ABCA6: variants seen among roughly 807,000 people sequenced by gnomAD.
The protein encoded by ABCA6 is ATP-binding cassette sub-family A member 6.
A neutral mutation model predicts 191.2 loss-of-function variants in ABCA6; 164 were observed. The ratio of observed to expected loss-of-function variants is 0.86; its 90% CI spans 0.76 to 0.98. The LOEUF (loss-of-function observed/expected upper bound fraction) is 0.98, where lower values mean the gene tolerates loss of function less well. ABCA6 is among the 50% of genes least tolerant of loss of function. ABCA6 has a pLI of 0.00. For synonymous variants in ABCA6, 636 were observed against 647.7 expected (o/e 0.98, Z 0.27); for missense variants, 1,958 against 1,894.1 (o/e 1.03, Z -0.63).
intron 29 of ABCA6, 73 bp downstream of exon 29, chr17:69,087,280 A>C: frequency 6.4e-7 from 1 of 1,563,772 alleles, no homozygotes; most frequent in Non-Finnish European, 8.7e-7. Flanking sequence ...AATGAAACCC[A>C]GTGTATCAAA....
At chr17:69,086,764 C>A (rs2072804609) in intron 29 of ABCA6, 29 bp from the exon 30 acceptor site, 2 of 1,521,524 alleles carry the variant, frequency 1.3e-6, no homozygotes, top group Admixed American at 1.7e-5. Context: ...TGATTTTCCT[C>A]TTAAATTTCA....
intron 16 of ABCA6, 117 bp downstream of exon 16, chr17:69,112,066 G>A: frequency 6.8e-6 from 5 of 734,812 alleles, no homozygotes; most frequent in Non-Finnish European, 1.2e-5. Context: ...AGGAAACACT[G>A]ATCAATCCAG....
In ABCA6 at chr17:69,124,856, TAGAGGACAGAGAA is replaced by T. The variant is rs775861780; in HGVS notation, c.1267+19_1267+31del. ...ATATATTCAATGTAATTAATAACTGTAGAGGACAGAGAAAAACTCACTATTACTTACAGGGTAA... is the reference window on the plus strand; with the variant it reads ...ATATATTCAATGTAATTAATAACTGTAAACTCACTATTACTTACAGGGTAA... On this transcript the variant is annotated intron_variant, in intron 9 of 38. Coordinates refer to ENST00000284425, the MANE Select transcript of ABCA6 (RefSeq NM_080284.3). 7.4e-7 allele frequency: 1 copy of T among 1,356,424 alleles called. No homozygotes were observed. Among genetic ancestry groups the T allele is most frequent in the South Asian group, 1.5e-5 (1 of 68,378 alleles). 84.0% of individuals were successfully genotyped at this position (1,356,424 alleles called of 1,614,324 possible).
At chr17:69,116,620 C>T (rs373336346) in intron 11 of ABCA6, among the ~76,000 whole-genome samples, 2 of 152,186 alleles carry the variant, frequency 1.3e-5, no homozygotes, top group East Asian at 3.9e-4. Flanking sequence ...CAAATTGAAT[C>T]TCATACATTG....
At position 69,096,805 on chromosome 17, in the gene ABCA6, AT is replaced by A; in HGVS notation, c.3121-5del. ...ATAGCTGGGACTTAGCATTTTTCTGATTAAAAAAAAAAAGAAAGAAAGAAAT... is the reference window on the plus strand; with the variant it reads ...ATAGCTGGGACTTAGCATTTTTCTGATAAAAAAAAAAAGAAAGAAAGAAAT... On this transcript the variant is annotated splice_polypyrimidine_tract_variant and splice_region_variant and intron_variant, in intron 23 of 38. Coordinates refer to ENST00000284425, the MANE Select transcript of ABCA6 (RefSeq NM_080284.3). 3.3e-6 allele frequency: 5 copies of A among 1,517,476 alleles called. No homozygotes were observed. Among genetic ancestry groups the A allele is most frequent in the Non-Finnish European group, 4.4e-6 (5 of 1,143,164 alleles). 94.0% of individuals were successfully genotyped at this position (1,517,476 alleles called of 1,614,324 possible).
intron 36 of ABCA6, among the ~76,000 whole-genome samples, chr17:69,081,500 T>G (rs1200880890): frequency 2.0e-5 from 3 of 152,312 alleles, no homozygotes; most frequent in African/African-American, 7.2e-5. Context: ...TAATTCATTG[T>G]TTTGTTTTTT....
In ABCA6 at chr17:69,086,644, C is replaced by A. The variant is rs776208870; in HGVS notation, c.3911G>T (p.Arg1304Ile). Residue 1304 changes from arginine (R) to isoleucine (I), a missense_variant, in exon 30 of 39, where the codon AGA becomes ATA. Transcript: ENST00000284425. ...TTCTTGAACACAGAAAGAGATATTT[C>A]TTGCTGCTATTTTCTTCTTCCTCTT... is the stretch of plus-strand genomic sequence containing the variant. The part of the protein sequence containing the change: ...FSKRKKKIAA[R>I]NISFCVQEGE... 7.4e-6 allele frequency: 12 copies of A among 1,612,024 alleles called. No homozygotes were observed. Among genetic ancestry groups the A allele is most frequent in the Non-Finnish European group, 1.0e-5 (12 of 1,178,578 alleles).
intron 11 of ABCA6, among the ~76,000 whole-genome samples, chr17:69,116,391 C>T (rs1331141845): frequency 3.9e-5 from 6 of 151,946 alleles, no homozygotes; most frequent in Non-Finnish European, 1.5e-5. Context: ...CTATTGTTGT[C>T]GTTGTCATTA....
At chr17:69,086,302 G>A (rs532492356) in intron 30 of ABCA6, among the ~76,000 whole-genome samples, 9 of 152,070 alleles carry the variant, frequency 5.9e-5, no homozygotes, top group South Asian at 2.1e-4. Context: ...CTAATCTGGC[G>A]CTGCTCAGCT....
chr17:69,106,112 A>C lies in ABCA6; in HGVS notation c.2489T>G (p.Met830Arg), dbSNP rs754908845. ...FSEMQTAVSDMGLWRMQVFAM... is the reference protein window; with the variant it reads ...FSEMQTAVSDRGLWRMQVFAM... ...AAAGACTTGCATTCTCCAGAGGCCC[A>C]TGTCACTCACAGCTGTCTGCATTTC... The change falls in exon 19 of 39, where the codon ATG (methionine) becomes AGG (arginine). Residue 830 changes from methionine (M) to arginine (R), a missense_variant. Transcript: ENST00000284425. 1.2e-6 allele frequency: 2 copies of C among 1,613,948 alleles called. No homozygotes were observed. The highest frequency in any genetic ancestry group is 1.7e-6 in the Non-Finnish European group (2 of 1,179,890).
chr17:69,105,740 C>T, intron 19 of ABCA6, 112 bp from the exon 20 acceptor site: 2 of 887,822 alleles, frequency 2.3e-6, no homozygotes, highest in South Asian at 1.8e-5. Flanking sequence ...AATCATGATT[C>T]TAGGTGCTAA....
intron 10 of ABCA6, among the ~76,000 whole-genome samples, chr17:69,119,910 A>G (rs1004718300): frequency 6.6e-6 from 1 of 152,094 alleles, no homozygotes; most frequent in Non-Finnish European, 1.5e-5. Flanking sequence ...CATATCTTAG[A>G]ATACTTTTAT....
At position 69,123,396 on chromosome 17, in the gene ABCA6, GCTCATCTCCATCTAATTAAC is replaced by G; in HGVS notation, c.1268-9_1278del. On this transcript the variant is annotated splice_acceptor_variant and splice_polypyrimidine_tract_variant and coding_sequence_variant and intron_variant, in exon 10 of 39. Coordinates refer to ENST00000284425, the MANE Select transcript of ABCA6 (RefSeq NM_080284.3). LOFTEE classifies it high-confidence loss of function. ...AAGAAAAATAAAGGAGAATAATGGC[GCTCATCTCCATCTAATTAAC>G]CAAGAGGCAACAAAATATGATCAGT... is the stretch of plus-strand genomic sequence containing the variant. 1 of 1,485,422 alleles carries G rather than the reference GCTCATCTCCATCTAATTAAC, an allele frequency of 6.7e-7. No individual in the cohort carries two copies. The highest frequency in any genetic ancestry group is 9.1e-7 in the Non-Finnish European group (1 of 1,103,694). 92.0% of individuals were successfully genotyped at this position (1,485,422 alleles called of 1,614,324 possible).
chr17:69,137,766 A>G (rs776363946), intron 2 of ABCA6, among the ~76,000 whole-genome samples: 2 of 152,190 alleles, frequency 1.3e-5, no homozygotes, highest in Non-Finnish European at 2.9e-5. Flanking sequence ...AATGGAGTGA[A>G]TAACAGGATG....
intron 10 of ABCA6, among the ~76,000 whole-genome samples, chr17:69,118,240 A>AAC (rs1313526147): frequency 6.6e-6 from 1 of 152,066 alleles, no homozygotes; most frequent in Non-Finnish European, 1.5e-5. Context: ...CTAGCTTTAG[A>AAC]ACAGTTGGTT....
chr17:69,107,759 T>G lies in ABCA6; in HGVS notation c.2326A>C (p.Ile776Leu). ...CSDQGVTGYD[I>L]SMSTLNEVFM... ...ACTTCATTTAGAGTTGACATGGAAA[T>G]GTCATAACCTGTCACTCCCTGGTCA... The change falls in exon 18 of 39, where the codon ATT becomes CTT. Residue 776 changes from isoleucine (I) to leucine (L), a missense_variant. Physicochemically the swap from Ile to Leu is conservative, Grantham distance 5 (BLOSUM62 2). Coordinates refer to ENST00000284425, the MANE Select transcript of ABCA6 (RefSeq NM_080284.3). 4.3e-6 allele frequency: 7 copies of G among 1,613,090 alleles called. No individual in the cohort carries two copies. The highest frequency in any genetic ancestry group is 5.9e-6 in the Non-Finnish European group (7 of 1,179,502).
intron 29 of ABCA6, among the ~76,000 whole-genome samples, 172 bp downstream of exon 29, chr17:69,087,181 G>C (rs773234304): frequency 3.9e-5 from 6 of 152,166 alleles, no homozygotes; most frequent in Non-Finnish European, 7.4e-5. Flanking sequence ...AGGACACTCT[G>C]AATAAGCGGA....
intron 10 of ABCA6, 175 bp from the exon 11 acceptor site, chr17:69,118,131 G>C: frequency 2.2e-6 from 1 of 452,866 alleles, no homozygotes; most frequent in South Asian, 4.7e-5. Context: ...TATTTCCCCT[G>C]AGGTAGAAAA....
chr17:69,121,518 G>C (rs1343954272), intron 10 of ABCA6, among the ~76,000 whole-genome samples: 1 of 151,966 alleles, frequency 6.6e-6, no homozygotes, highest in Non-Finnish European at 1.5e-5. Context: ...CTCCACCTGA[G>C]CTAAGAATCC....
Sources: allele counts gnomAD v4.1 joint callset (sites outside exome capture counted in the v4.1 genomes callset), GRCh38; gene constraint gnomAD v4.1.1; transcripts MANE v1.5; gene names NCBI Gene and HGNC (gene_info 2026-07-23, HGNC 2026-07-21).